SH3GL3: variants seen among roughly 807,000 people sequenced by gnomAD.
SH3GL3 encodes the protein endophilin-A3.
Under a neutral mutation model 47.7 loss-of-function variants are expected in SH3GL3, and 33 were observed. The ratio of observed to expected loss-of-function variants is 0.69; its 90% CI spans 0.52 to 0.92. The LOEUF is 0.92. Ranked by LOEUF, SH3GL3 falls within the 40% of genes least tolerant of loss-of-function variation. The probability of loss-of-function intolerance (pLI) is 0.00; values close to 1 mark genes in which losing one functional copy is unlikely to be tolerated. For missense variants in SH3GL3, 363 were observed against 417.8 expected, an observed-to-expected ratio of 0.87 and a Z score of 1.14; for synonymous variants, 155 against 148.8, an observed-to-expected ratio of 1.04 and a Z score of -0.30.
intron 1 of SH3GL3, among the ~76,000 whole-genome samples, chr15:83,476,304 A>G (rs1345573787): frequency 2.0e-5 from 3 of 152,220 alleles, no homozygotes; most frequent in African/African-American, 7.2e-5. Flanking sequence ...ATTTGTTACC[A>G]TCGCATGAGA....
intron 6 of SH3GL3, 49 bp from the exon 7 acceptor site, chr15:83,586,934 A>T: frequency 2.0e-6 from 2 of 995,214 alleles, no homozygotes; most frequent in Non-Finnish European, 3.1e-6. Flanking sequence ...CTCTCTGGAC[A>T]TTACACAGGC....
At chr15:83,476,356 A>C (rs1161275645) in intron 1 of SH3GL3, among the ~76,000 whole-genome samples, 3 of 152,238 alleles carry the variant, frequency 2.0e-5, no homozygotes, top group Non-Finnish European at 4.4e-5. Flanking sequence ...CATGAAATAA[A>C]TCTGTTGCTA....
At chr15:83,599,177 T>C (rs944203519) in intron 8 of SH3GL3, among the ~76,000 whole-genome samples, 18 of 152,194 alleles carry the variant, frequency 1.2e-4, no homozygotes, top group African/African-American at 2.9e-4. Flanking sequence ...ACTCCCCCTT[T>C]CCTTTCTTTA....
intron 1 of SH3GL3, among the ~76,000 whole-genome samples, chr15:83,548,108 G>A (rs2044493201): frequency 1.3e-5 from 2 of 151,348 alleles, no homozygotes; most frequent in South Asian, 2.1e-4. Context: ...TCACTTCCAA[G>A]CAATAGAATA....
At chr15:83,579,595 T>C (rs1156246756) in intron 6 of SH3GL3, among the ~76,000 whole-genome samples, 2 of 152,178 alleles carry the variant, frequency 1.3e-5, no homozygotes, top group Non-Finnish European at 2.9e-5. Flanking sequence ...GTGATCGTGA[T>C]AATGATAAAG....
At chr15:83,615,608 G>A (rs575696727) in intron 8 of SH3GL3, among the ~76,000 whole-genome samples, 2 of 152,152 alleles carry the variant, frequency 1.3e-5, no homozygotes, top group African/African-American at 2.4e-5. Flanking sequence ...CACCACACCC[G>A]GCCTGTTAAC....
At chr15:83,559,461 A>T (rs1462498995) in intron 2 of SH3GL3, 140 bp downstream of exon 2, 1 of 604,014 alleles carries the variant, frequency 1.7e-6, no homozygotes, top group African/African-American at 1.9e-5. Flanking sequence ...ACAAGGCAGT[A>T]CTTTCCCACG....
intron 1 of SH3GL3, chr15:83,490,737 C>G: frequency 6.3e-7 from 1 of 1,578,878 alleles, no homozygotes; most frequent in South Asian, 1.2e-5. Context: ...GGAATTTGTT[C>G]ACTTTTAATT....
chr15:83,602,039 A>C (rs1370588292), intron 8 of SH3GL3, among the ~76,000 whole-genome samples: 1 of 151,950 alleles, frequency 6.6e-6, no homozygotes. Context: ...TTCCAAGAAG[A>C]TAGGTGGTTC....
At chr15:83,449,443 A>G (rs998216396) in intron 1 of SH3GL3, among the ~76,000 whole-genome samples, 10 of 152,228 alleles carry the variant, frequency 6.6e-5, no homozygotes, top group East Asian at 1.9e-4. Context: ...TGGCTTCCTT[A>G]GCACTGGCAG....
At chr15:83,490,292 C>T (rs1250604303) in intron 1 of SH3GL3, among the ~76,000 whole-genome samples, 1 of 150,376 alleles carries the variant, frequency 6.6e-6, no homozygotes, top group East Asian at 1.9e-4. Flanking sequence ...TTCCGCTGAC[C>T]CTCATTAGCA....
chr15:83,482,778 C>T (rs996776829), intron 1 of SH3GL3, among the ~76,000 whole-genome samples: 9 of 152,118 alleles, frequency 5.9e-5, no homozygotes, highest in Non-Finnish European at 1.2e-4. Flanking sequence ...AAGCATGAGG[C>T]ACCGCGCTCG....
chr15:83,525,515 T>G (rs895351081), intron 1 of SH3GL3, among the ~76,000 whole-genome samples: 2 of 152,124 alleles, frequency 1.3e-5, no homozygotes, highest in Non-Finnish European at 2.9e-5. Context: ...TGCAAAAACT[T>G]TTTACTTTAA....
intron 2 of SH3GL3, among the ~76,000 whole-genome samples, chr15:83,560,977 G>A (rs1037475044): frequency 2.6e-5 from 4 of 152,016 alleles, no homozygotes; most frequent in Non-Finnish European, 4.4e-5. Flanking sequence ...ACATAACATA[G>A]CATCTGAATT....
At chr15:83,611,234 T>C (rs74802772) in intron 8 of SH3GL3, among the ~76,000 whole-genome samples, 6,692 of 149,334 alleles carry the variant, frequency 0.045, 496 homozygotes, top group African/African-American at 0.16. Context: ...TCTTAAACTC[T>C]TGTGGTAGGG....
intron 1 of SH3GL3, among the ~76,000 whole-genome samples, chr15:83,538,092 TAC>T (rs1343608104): frequency 6.6e-6 from 1 of 152,146 alleles, no homozygotes; most frequent in Non-Finnish European, 1.5e-5. Flanking sequence ...GTGCAGGGAG[TAC>T]AGTCACAATG....
intron 1 of SH3GL3, among the ~76,000 whole-genome samples, chr15:83,470,732 G>A (rs1476633311): frequency 6.6e-6 from 1 of 152,040 alleles, no homozygotes; most frequent in Non-Finnish European, 1.5e-5. Flanking sequence ...GTATTCCTGT[G>A]TGTTAGGTGA....
intron 1 of SH3GL3, among the ~76,000 whole-genome samples, chr15:83,449,630 A>G (rs1184503252): frequency 6.6e-6 from 1 of 152,140 alleles, no homozygotes; most frequent in African/African-American, 2.4e-5. Flanking sequence ...CACTGGAGAA[A>G]TATTTTGCTA....
chr15:83,529,378 A>G (rs1242989077), intron 1 of SH3GL3, among the ~76,000 whole-genome samples: 2 of 152,060 alleles, frequency 1.3e-5, no homozygotes, highest in Non-Finnish European at 2.9e-5. Context: ...TGTGTGTGGC[A>G]TGGGAGATAG....
Sources: gnomAD v4.1 joint callset for allele counts (sites outside exome capture counted in the v4.1 genomes callset) on GRCh38, gnomAD v4.1.1 for gene constraint, MANE v1.5 for transcripts, NCBI Gene and HGNC (gene_info 2026-07-23, HGNC 2026-07-21) for gene names.